The following PLPPR4 variants were observed in gnomAD, a reference collection of about 807,000 sequenced individuals.
The protein encoded by PLPPR4 is phospholipid phosphatase-related protein type 4.
PLPPR4 carries 24 observed loss-of-function variants against 56.6 expected under a neutral mutation model. The observed-to-expected ratio is 0.42, with a 90% CI of 0.31 to 0.60. PLPPR4 has a LOEUF of 0.60. Among genes scored for constraint, PLPPR4 ranks in the 20% least tolerant of loss-of-function variants. The probability of loss-of-function intolerance (pLI) is 0.13; values close to 1 mark genes in which losing one functional copy is unlikely to be tolerated. For synonymous variants in PLPPR4, 326 were observed against 328.1 expected (o/e 0.99, Z 0.07); for missense variants, 654 against 885.8 (o/e 0.74, Z 3.32).
intron 1 of PLPPR4, among the ~76,000 whole-genome samples, chr1:99,285,618 C>CT (rs553981787): frequency 4.8e-4 from 73 of 151,866 alleles, no homozygotes; most frequent in Non-Finnish European, 8.5e-4. Context: ...CTATGTATTT[C>CT]TTTTTTTTCC....
At chr1:99,290,116 G>A (rs369929928) in intron 2 of PLPPR4, among the ~76,000 whole-genome samples, 3 of 152,048 alleles carry the variant, frequency 2.0e-5, no homozygotes, top group East Asian at 3.9e-4. Flanking sequence ...AAACTATTGT[G>A]CAAAAATCAC....
intron 1 of PLPPR4, among the ~76,000 whole-genome samples, chr1:99,264,997 G>A (rs1303130605): frequency 2.0e-5 from 3 of 152,200 alleles, no homozygotes; most frequent in African/African-American, 7.2e-5. Context: ...GCCCCAGAGG[G>A]GCCATGATGC....
intron 1 of PLPPR4, among the ~76,000 whole-genome samples, chr1:99,285,635 C>A (rs1382591074): frequency 3.3e-5 from 5 of 151,692 alleles, no homozygotes; most frequent in South Asian, 2.1e-4. Flanking sequence ...TTCCGGTAAA[C>A]CTAATTATTT....
At chr1:99,275,098 G>A (rs1233415590) in intron 1 of PLPPR4, among the ~76,000 whole-genome samples, 1 of 152,144 alleles carries the variant, frequency 6.6e-6, no homozygotes, top group African/African-American at 2.4e-5. Flanking sequence ...TGCCTGTATT[G>A]TAGCAACTGA....
In PLPPR4 at chr1:99,264,636, A is replaced by G. The variant is rs1658846238; in HGVS notation, c.43A>G (p.Ser15Gly). ...ERPKGKVIKD[S>G]VTLLPCFYFV... ...GCCAAAGGGCAAAGTGATCAAGGAC[A>G]GCGTCACCCTCCTGCCCTGCTTTTA... The change falls in exon 1 of 7, where the codon AGC (serine) becomes GGC (glycine). Residue 15 changes from serine (S) to glycine (G), a missense_variant. Ser to Gly is a moderately conservative substitution (Grantham distance 56, BLOSUM62 0). This residue lies in a region of PLPPR4 where 186 missense variants were observed against 331.4 expected (regional missense o/e 0.56). Transcript: ENST00000370185. The G allele has an allele frequency of 6.4e-7, 1 of 1,550,562 alleles. No homozygotes were observed. The highest frequency in any genetic ancestry group is 8.7e-7 in the Non-Finnish European group (1 of 1,146,994).
chr1:99,271,072 T>A (rs1659047123), intron 1 of PLPPR4, among the ~76,000 whole-genome samples: 1 of 152,214 alleles, frequency 6.6e-6, no homozygotes. Flanking sequence ...ACTCAAAATG[T>A]GATTTTTTTC....
At chr1:99,280,775 A>G (rs1659304312) in intron 1 of PLPPR4, among the ~76,000 whole-genome samples, 4 of 152,190 alleles carry the variant, frequency 2.6e-5, no homozygotes, top group Admixed American at 2.6e-4. Flanking sequence ...CAGAGACTAG[A>G]ACATGTCTTT....
intron 4 of PLPPR4, among the ~76,000 whole-genome samples, chr1:99,300,249 A>G (rs1659851309): frequency 6.6e-6 from 1 of 151,932 alleles, no homozygotes; most frequent in Non-Finnish European, 1.5e-5. Flanking sequence ...CATTGAAACA[A>G]ATCTCTATTC....
chr1:99,299,456 C>T (rs1382874764), intron 4 of PLPPR4, among the ~76,000 whole-genome samples: 17 of 151,832 alleles, frequency 1.1e-4, no homozygotes, highest in Admixed American at 1.1e-3. Context: ...GCTACTAGTC[C>T]CTATTTCACC....
chr1:99,282,496 A>T (rs1481667238), intron 1 of PLPPR4, among the ~76,000 whole-genome samples: 2 of 152,150 alleles, frequency 1.3e-5, no homozygotes, highest in African/African-American at 4.8e-5. Flanking sequence ...TAGGTATTTA[A>T]TAAATATTTG....
intron 1 of PLPPR4, among the ~76,000 whole-genome samples, chr1:99,286,460 G>A (rs1300502392): frequency 6.6e-6 from 1 of 152,064 alleles, no homozygotes; most frequent in Non-Finnish European, 1.5e-5. Context: ...GGGAGACTGG[G>A]AGAGATGAAA....
rs921986691 is a variant in PLPPR4 at position 99,300,439 on chromosome 1, C to A, written c.591-470C>A. On this transcript the variant is annotated intron_variant, in intron 4 of 6. Transcript: ENST00000370185. Reference sequence around the variant, plus strand: ...TTTCTTATGCTTTCTAGAGTATTAACAAAACACATTTAGATCCAATGCCAT... The same window carrying A: ...TTTCTTATGCTTTCTAGAGTATTAAAAAAACACATTTAGATCCAATGCCAT... Among the ~76,000 whole-genome samples the A allele has an allele frequency of 3.3e-5, 5 of 152,018 alleles. No homozygotes were observed. In the South Asian group the frequency reaches 1.0e-3, roughly 32 times the overall value.
chr1:99,269,686 TAAC>T (rs1301564100), intron 1 of PLPPR4, among the ~76,000 whole-genome samples: 31 of 152,248 alleles, frequency 2.0e-4, no homozygotes, highest in Admixed American at 2.0e-3. Context: ...CTATATGATA[TAAC>T]ATTTTTATGA....
intron 4 of PLPPR4, 134 bp downstream of exon 4, chr1:99,299,364 T>C: frequency 1.5e-6 from 1 of 674,510 alleles, no homozygotes; most frequent in Non-Finnish European, 2.5e-6. Flanking sequence ...CAATGATCTC[T>C]TCAATTACTA....
chr1:99,306,989 C>A lies in PLPPR4; in HGVS notation c.2127C>A (p.Pro709=), dbSNP rs375921120. ...TRNIFYKGTS[P]TRAYKD is the part of the protein sequence containing the mutation. ...ATATCTTCTACAAAGGAACCTCCCC[C>A]ACACGGGCTTATAAGGATTGAGTGA... Residue 709 remains proline, a synonymous_variant, in exon 7 of 7, where the codon CCC becomes CCA. Transcript: ENST00000370185. The surrounding 1 kb of genome is among the most constrained non-coding windows in gnomAD (Gnocchi z 4.0). 1.4e-5 allele frequency: 22 copies of A among 1,603,898 alleles called. No homozygotes were observed. The highest frequency in any genetic ancestry group is 1.5e-5 in the Non-Finnish European group (18 of 1,178,142).
intron 1 of PLPPR4, among the ~76,000 whole-genome samples, chr1:99,278,686 C>T (rs1659251426): frequency 2.0e-5 from 3 of 152,132 alleles, no homozygotes; most frequent in African/African-American, 7.2e-5. Context: ...GAGTGCAAAA[C>T]CAACTACCCC....
upstream of PLPPR4, chr1:99,264,156 A>C (rs1658829715): frequency 6.7e-6 from 3 of 447,058 alleles, no homozygotes; most frequent in Non-Finnish European, 1.2e-5. Flanking sequence ...GGAGGAGACT[A>C]GGTGGCTTAG....
chr1:99,289,201 A>T (rs977230423), intron 2 of PLPPR4, among the ~76,000 whole-genome samples: 34 of 152,144 alleles, frequency 2.2e-4, no homozygotes, highest in African/African-American at 8.2e-4. Context: ...TGTCAAAGGA[A>T]ATGGCTATTA....
chr1:99,284,267 T>C (rs1659410555), intron 1 of PLPPR4, among the ~76,000 whole-genome samples: 1 of 152,146 alleles, frequency 6.6e-6, no homozygotes. Flanking sequence ...GAAATAAACA[T>C]TGTCATTTAA....
Sources: allele counts gnomAD v4.1 joint callset (sites outside exome capture counted in the v4.1 genomes callset), GRCh38; gene constraint gnomAD v4.1.1; regional missense constraint gnomAD v4.1.1; non-coding constraint Gnocchi (gnomAD v3.1); transcripts MANE v1.5; gene names NCBI Gene and HGNC (gene_info 2026-07-23, HGNC 2026-07-21).